BICRA: variants seen among roughly 807,000 people sequenced by gnomAD.
BICRA encodes BRD4-interacting chromatin-remodeling complex-associated protein.
A neutral mutation model predicts 96.9 loss-of-function variants in BICRA; 31 were observed. The ratio of observed to expected loss-of-function variants is 0.32; its 90% CI spans 0.24 to 0.43. The LOEUF is 0.43. Ranked by LOEUF, BICRA falls within the 20% of genes least tolerant of loss-of-function variation. BICRA has a pLI of 1.00. For missense variants in BICRA, 2,283 were observed against 2,190.3 expected (o/e 1.04, Z -0.84); for synonymous variants, 1,350 against 1,071.8 (o/e 1.26, Z -5.07).
At chr19:47,657,975 C>T (rs1014703101) in intron 1 of BICRA, among the ~76,000 whole-genome samples, 2 of 151,554 alleles carry the variant, frequency 1.3e-5, no homozygotes, top group Admixed American at 6.6e-5. Context: ...ACCTCTGATT[C>T]TCTTGACCTT....
intron 1 of BICRA, among the ~76,000 whole-genome samples, chr19:47,657,788 T>G (rs1402650389): frequency 6.6e-6 from 1 of 152,124 alleles, no homozygotes; most frequent in Non-Finnish European, 1.5e-5. Context: ...GTCATAGAGT[T>G]GGTATATATT....
Position 47,702,752 on chromosome 19 carries a change from C to G in BICRA, c.*337C>G. On this transcript the variant is annotated 3_prime_UTR_variant, in exon 15 of 15. Coordinates refer to ENST00000594866, the MANE Select transcript of BICRA (RefSeq NM_001394372.1). Reference sequence around the variant, plus strand: ...ATGTGTTTGCCAGGGATGGGGCCACCGGGTTGATGCCAACGCTCCGGGTGC... The same window carrying G: ...ATGTGTTTGCCAGGGATGGGGCCACGGGGTTGATGCCAACGCTCCGGGTGC... The G allele has an allele frequency of 3.0e-6, 1 of 336,874 alleles. No homozygotes were observed. Among genetic ancestry groups the G allele is most frequent in the South Asian group, 4.3e-5 (1 of 23,194 alleles). The allele number at this position is 336,874 out of a possible 1,614,324, so 20.9% of individuals were successfully genotyped here.
chr19:47,701,805 A>G lies in BICRA; in HGVS notation c.4073A>G (p.Gln1358Arg). 6.5e-7 allele frequency: 1 copy of G among 1,536,552 alleles called. No homozygotes were observed. Among genetic ancestry groups the G allele is most frequent in the South Asian group, 1.2e-5 (1 of 83,660 alleles). The change falls in exon 15 of 15, where the codon CAG becomes CGG. Residue 1358 changes from glutamine (Q) to arginine (R), a missense_variant. Coordinates refer to ENST00000594866, the MANE Select transcript of BICRA (RefSeq NM_001394372.1). The surrounding 1 kb of genome is among the most constrained non-coding windows in gnomAD (Gnocchi z 5.4). ...RPPPPPPPTG[Q>R]MNGTVDHPPP... ...CCACCACCACCGCCGCCCACGGGCC[A>G]GATGAACGGCACGGTGGACCACCCG...
At chr19:47,696,357 CT>C in intron 10 of BICRA, 93 bp from the exon 11 acceptor site, 1 of 1,181,792 alleles carries the variant, frequency 8.5e-7, no homozygotes, top group East Asian at 2.6e-5. Flanking sequence ...CACTGGTCCC[CT>C]GTCCCGTCTT....
At chr19:47,638,613 T>TCACA (rs34512769) in intron 1 of BICRA, among the ~76,000 whole-genome samples, 28,655 of 149,776 alleles carry the variant, frequency 0.19, 3,525 homozygotes, top group African/African-American at 0.36. Flanking sequence ...TCTCTCTCTG[T>TCACA]CACACACACA....
At chr19:47,663,698 A>T (rs965875609) in intron 1 of BICRA, 1 of 152,160 alleles carries the variant, frequency 6.6e-6, no homozygotes, top group African/African-American at 2.4e-5. Context: ...TGAGTGTCTG[A>T]TAAAGGAGAT....
rs376698604 is a variant in BICRA, at chr19:47,619,246, T to C, written c.-108+10078T>C. On this transcript the variant is annotated intron_variant, in intron 1 of 14. Transcript: ENST00000594866. ...TTTTCCCAACCCCTTTTTTTTTTCC[T>C]TTTTTTTGTGTGTGTGTGTTTGAGA... 2.8e-5 allele frequency among the ~76,000 whole-genome samples: 4 copies of C among 145,224 alleles called. 1 individual carries two copies. The highest frequency in any genetic ancestry group is 6.0e-5 in the Non-Finnish European group (4 of 66,116).
Position 47,658,631 on chromosome 19 carries a change from C to CAAAAAA in BICRA, c.-107-11795_-107-11790dup, listed in dbSNP as rs3074083. 4.1e-5 allele frequency among the ~76,000 whole-genome samples: 4 copies of CAAAAAA among 97,416 alleles called. 1 individual carries two copies. The highest frequency in any genetic ancestry group is 1.6e-4 in the African/African-American group (4 of 24,984). 63.9% of individuals were successfully genotyped at this position (97,416 alleles called of 152,430 possible). ...TGGGTGACAGAATGAGACTTCGTCT[C>CAAAAAA]AAAAAAAAAAAAAAAAAAAAAAGCA... On this transcript the variant is annotated intron_variant, in intron 1 of 14. Transcript: ENST00000594866.
chr19:47,651,394 C>T (rs930412923), intron 1 of BICRA, among the ~76,000 whole-genome samples: 11 of 152,110 alleles, frequency 7.2e-5, no homozygotes, highest in South Asian at 2.1e-4. Flanking sequence ...GCCTGGAGCC[C>T]GCTCTCCTGG....
At chr19:47,627,816 C>CTGGAG (rs1972162784) in intron 1 of BICRA, among the ~76,000 whole-genome samples, 1 of 152,176 alleles carries the variant, frequency 6.6e-6, no homozygotes, top group African/African-American at 2.4e-5. Flanking sequence ...GTTGCCCAGG[C>CTGGAG]TGGAGTGCAG....
chr19:47,687,733 G>A (rs1973180403), intron 7 of BICRA, among the ~76,000 whole-genome samples: 1 of 150,502 alleles, frequency 6.6e-6, no homozygotes, highest in Non-Finnish European at 1.5e-5. Context: ...CCTGGGAGGC[G>A]GAGATTGTAG....
At chr19:47,654,591 C>T (rs1174521918) in intron 1 of BICRA, among the ~76,000 whole-genome samples, 1 of 152,090 alleles carries the variant, frequency 6.6e-6, no homozygotes, top group Non-Finnish European at 1.5e-5. Flanking sequence ...ACGCCATTCT[C>T]CTGCCTCAGC....
At position 47,698,590 on chromosome 19, in the gene BICRA, C is replaced by T. The variant is rs749706987; in HGVS notation, c.3249-44C>T. 2.3e-6 allele frequency: 2 copies of T among 866,544 alleles called. No homozygotes were observed. The highest frequency in any genetic ancestry group is 1.4e-5 in the South Asian group (1 of 71,596). 53.7% of individuals were successfully genotyped at this position (866,544 alleles called of 1,614,324 possible). ...ACTTCCCCTGGCCCTCACCCGTCCC[C>T]CCCACCCTCCGCCGTGTGTGGTCTC... On this transcript the variant is annotated intron_variant, in intron 11 of 14. Coordinates refer to ENST00000594866, the MANE Select transcript of BICRA (RefSeq NM_001394372.1). This position sits in a 1 kb window ranked among gnomAD's most constrained non-coding sequence, Gnocchi z 4.8.
intron 1 of BICRA, among the ~76,000 whole-genome samples, chr19:47,652,479 T>C (rs1458161565): frequency 6.6e-6 from 1 of 152,150 alleles, no homozygotes; most frequent in Non-Finnish European, 1.5e-5. Context: ...TGAGCCACTG[T>C]GCCCGGCCTG....
Position 47,698,586 on chromosome 19 carries a change from T to TACCCC in BICRA, c.3249-48_3249-47insACCCC. ...AGGGACTTCCCCTGGCCCTCACCCG[T>TACCCC]CCCCCCCACCCTCCGCCGTGTGTGG... On this transcript the variant is annotated intron_variant, in intron 11 of 14. Transcript: ENST00000594866. This position sits in a 1 kb window ranked among gnomAD's most constrained non-coding sequence, Gnocchi z 4.8. 48 of 716,494 alleles carry TACCCC rather than the reference T, an allele frequency of 6.7e-5. No individual in the cohort carries two copies. The highest frequency in any genetic ancestry group is 1.1e-4 in the East Asian group (4 of 34,878). 44.4% of individuals were successfully genotyped at this position (716,494 alleles called of 1,614,324 possible).
At chr19:47,636,804 A>G (rs1308884776) in intron 1 of BICRA, among the ~76,000 whole-genome samples, 1 of 152,126 alleles carries the variant, frequency 6.6e-6, no homozygotes, top group Non-Finnish European at 1.5e-5. Context: ...CACTGCACCC[A>G]GCCTGTATTA....
At chr19:47,620,297 GATGACAGGC>G (rs1428280183) in intron 1 of BICRA, among the ~76,000 whole-genome samples, 3 of 152,082 alleles carry the variant, frequency 2.0e-5, no homozygotes, top group African/African-American at 7.2e-5. Context: ...TGGATGGGTG[GATGACAGGC>G]ATGTCCCAGG....
At chr19:47,620,970 C>G (rs1429446879) in intron 1 of BICRA, among the ~76,000 whole-genome samples, 2 of 152,136 alleles carry the variant, frequency 1.3e-5, no homozygotes, top group South Asian at 4.1e-4. Context: ...ACGGCCATTG[C>G]TTGTCCTGAC....
At chr19:47,644,189 T>G (rs1304446172) in intron 1 of BICRA, among the ~76,000 whole-genome samples, 2 of 151,516 alleles carry the variant, frequency 1.3e-5, no homozygotes, top group East Asian at 3.9e-4. Context: ...AGCTAATTAT[T>G]TCTTCTTCTT....
Sources: gnomAD v4.1 joint callset for allele counts (sites outside exome capture counted in the v4.1 genomes callset) on GRCh38, gnomAD v4.1.1 for gene constraint, Gnocchi (gnomAD v3.1) non-coding constraint, MANE v1.5 for transcripts, NCBI Gene and HGNC (gene_info 2026-07-23, HGNC 2026-07-21) for gene names.